The following CENPW variants were observed in gnomAD, a reference collection of about 807,000 sequenced individuals.
The protein encoded by CENPW is cancer-up-regulated gene 2 protein.
CENPW carries 3 observed loss-of-function variants against 11.1 expected under a neutral mutation model. That is an observed-to-expected ratio of 0.27 (90% confidence interval 0.12 to 0.70). The LOEUF (loss-of-function observed/expected upper bound fraction) is 0.70. Among genes scored for constraint, CENPW ranks in the 30% least tolerant of loss-of-function variants. CENPW has a pLI of 0.77. For missense variants in CENPW, 100 were observed against 105.6 expected, an observed-to-expected ratio of 0.95 and a Z score of 0.23; for synonymous variants, 38 against 42.0, an observed-to-expected ratio of 0.91 and a Z score of 0.37.
At chr6:126,359,160 A>G in the CENPW span, among the ~76,000 whole-genome samples, 1 of 151,916 alleles carries the variant, frequency 6.6e-6, no homozygotes, top group Admixed American at 6.6e-5. Flanking sequence ...AAATATTTTG[A>G]TTTCTGCCTT....
At chr6:126,386,867 G>T in the CENPW span, among the ~76,000 whole-genome samples, 1 of 151,924 alleles carries the variant, frequency 6.6e-6, no homozygotes, top group Non-Finnish European at 1.5e-5. Context: ...TAGCATGGGA[G>T]TGCCAAGGTA....
At chr6:126,424,646 G>T in the CENPW span, among the ~76,000 whole-genome samples, 1 of 152,050 alleles carries the variant, frequency 6.6e-6, no homozygotes, top group Non-Finnish European at 1.5e-5. Flanking sequence ...CCACTGTTCG[G>T]GGTGCTGTGC....
the CENPW span, among the ~76,000 whole-genome samples, chr6:126,432,066 C>CA: frequency 0.13 from 4,579 of 36,448 alleles, 205 homozygotes; most frequent in Non-Finnish European, 0.15. Context: ...CTCCATCTCA[C>CA]AAAAAAAAAA....
At chr6:126,408,383 T>C in the CENPW span, among the ~76,000 whole-genome samples, 1 of 152,242 alleles carries the variant, frequency 6.6e-6, no homozygotes, top group South Asian at 2.1e-4. Context: ...AGAATGTGTG[T>C]AGGGGAACTC....
chr6:126,341,983 G>A (rs1583952449), intron 1 of CENPW, among the ~76,000 whole-genome samples: 1 of 152,242 alleles, frequency 6.6e-6, no homozygotes, highest in Middle Eastern at 3.4e-3. Flanking sequence ...ATGTTCTTTT[G>A]GTCAGTAGCT....
At chr6:126,436,988 T>C in the CENPW span, among the ~76,000 whole-genome samples, 2 of 151,716 alleles carry the variant, frequency 1.3e-5, no homozygotes, top group Non-Finnish European at 2.9e-5. Context: ...TGTTGTCACA[T>C]GATGCAAAGG....
the CENPW span, among the ~76,000 whole-genome samples, chr6:126,478,792 A>G: frequency 1.3e-5 from 2 of 152,130 alleles, no homozygotes; most frequent in South Asian, 2.1e-4. Context: ...TGATGTGTGA[A>G]GGAGTAGGAG....
the CENPW span, among the ~76,000 whole-genome samples, chr6:126,376,822 A>AAGGAG: frequency 6.6e-6 from 1 of 152,146 alleles, no homozygotes; most frequent in African/African-American, 2.4e-5. Context: ...TGATTGATAA[A>AAGGAG]AGGAGAGAAG....
At chr6:126,441,521 TTAGTG>T in the CENPW span, among the ~76,000 whole-genome samples, 2 of 151,482 alleles carry the variant, frequency 1.3e-5, no homozygotes, top group Admixed American at 6.6e-5. Context: ...ATGAATAAGT[TTAGTG>T]GTGATTTCTG....
chr6:126,372,851 G>T, the CENPW span, among the ~76,000 whole-genome samples: 1 of 152,092 alleles, frequency 6.6e-6, no homozygotes, highest in African/African-American at 2.4e-5. Flanking sequence ...ACTCACATAA[G>T]TCCTCTAAAG....
chr6:126,456,760 C>G, the CENPW span, among the ~76,000 whole-genome samples: 2 of 151,598 alleles, frequency 1.3e-5, no homozygotes, highest in Admixed American at 6.6e-5. Context: ...ACAGAGTAAA[C>G]ACACAACCTA....
chr6:126,480,974 A>G, the CENPW span, among the ~76,000 whole-genome samples: 1 of 152,044 alleles, frequency 6.6e-6, no homozygotes, highest in Admixed American at 6.6e-5. Context: ...AAAAATCTCA[A>G]CTACCACACA....
the CENPW span, among the ~76,000 whole-genome samples, chr6:126,411,165 A>G: frequency 6.6e-5 from 10 of 152,208 alleles, no homozygotes; most frequent in Admixed American, 2.6e-4. Context: ...AGTTGGGCTT[A>G]TGTGTGCCAA....
chr6:126,363,699 C>T, the CENPW span, among the ~76,000 whole-genome samples: 1,344 of 152,270 alleles, frequency 8.8e-3, 17 homozygotes, highest in South Asian at 0.037. Context: ...TAGCAACAGC[C>T]AGGGCCTTAA....
chr6:126,371,792 C>G, the CENPW span, among the ~76,000 whole-genome samples: 16 of 152,174 alleles, frequency 1.1e-4, no homozygotes, highest in South Asian at 8.3e-4. Flanking sequence ...TCTATTTCTT[C>G]CTGGTTTAAT....
At chr6:126,389,333 T>G in the CENPW span, among the ~76,000 whole-genome samples, 1 of 151,926 alleles carries the variant, frequency 6.6e-6, no homozygotes, top group Non-Finnish European at 1.5e-5. Flanking sequence ...CTTTGTTTTT[T>G]GTTAATAGGA....
the CENPW span, among the ~76,000 whole-genome samples, chr6:126,390,115 T>G: frequency 6.6e-6 from 1 of 151,896 alleles, no homozygotes; most frequent in Admixed American, 6.6e-5. Flanking sequence ...TTCTTCACAG[T>G]CTATACTCAA....
At chr6:126,454,932 C>T in the CENPW span, among the ~76,000 whole-genome samples, 1 of 151,292 alleles carries the variant, frequency 6.6e-6, no homozygotes, top group Non-Finnish European at 1.5e-5. Context: ...CTCAAAAGTA[C>T]TATGAACACC....
chr6:126,457,767 G>C, the CENPW span, among the ~76,000 whole-genome samples: 1 of 151,304 alleles, frequency 6.6e-6, no homozygotes, highest in African/African-American at 2.4e-5. Flanking sequence ...ATGGCTTATT[G>C]AAGACTCAGG....
Sources: allele counts gnomAD v4.1 joint callset (sites outside exome capture counted in the v4.1 genomes callset), GRCh38; gene constraint gnomAD v4.1.1; transcripts MANE v1.5; gene names NCBI Gene and HGNC (gene_info 2026-07-23, HGNC 2026-07-21).